Variants in PTPRD observed in about 807,000 individuals in gnomAD.
The protein encoded by PTPRD is protein tyrosine phosphatase receptor type D.
PTPRD carries 34 observed loss-of-function variants against 214.5 expected under a neutral mutation model. That is an observed-to-expected ratio of 0.16 (90% confidence interval 0.12 to 0.21). PTPRD has a LOEUF of 0.21. Among genes scored for constraint, PTPRD ranks in the 10% least tolerant of loss-of-function variants. The probability of loss-of-function intolerance (pLI) is 1.00; values close to 1 mark genes in which losing one functional copy is unlikely to be tolerated. For missense variants in PTPRD, 2,545 were observed against 2,398.7 expected (o/e 1.06, Z -1.27); for synonymous variants, 1,128 against 845.7 (o/e 1.33, Z -5.79).
At chr9:8,770,005 G>T (rs1005412071) in intron 11 of PTPRD, among the ~76,000 whole-genome samples, 14 of 152,188 alleles carry the variant, frequency 9.2e-5, no homozygotes, top group African/African-American at 3.4e-4. Flanking sequence ...TACCGGTCAG[G>T]CACGGTGGCT....
intron 10 of PTPRD, among the ~76,000 whole-genome samples, chr9:9,159,704 T>G (rs2099884702): frequency 6.6e-6 from 1 of 152,040 alleles, no homozygotes; most frequent in Admixed American, 6.6e-5. Context: ...ATAAAAAACC[T>G]CCGAAATCCT....
chr9:9,927,828 T>A (rs2084890696), intron 5 of PTPRD, among the ~76,000 whole-genome samples: 1 of 152,152 alleles, frequency 6.6e-6, no homozygotes. Context: ...AGCCCTAGCT[T>A]ATTTTCATGT....
chr9:8,679,943 T>A (rs923925847), intron 12 of PTPRD, among the ~76,000 whole-genome samples: 1 of 152,238 alleles, frequency 6.6e-6, no homozygotes, highest in Non-Finnish European at 1.5e-5. Context: ...ACTGCATGTC[T>A]ACTAGAGAAA....
intron 8 of PTPRD, among the ~76,000 whole-genome samples, chr9:9,424,938 T>A (rs2080248489): frequency 6.6e-6 from 1 of 152,220 alleles, no homozygotes; most frequent in Non-Finnish European, 1.5e-5. Context: ...AGAATTAGGT[T>A]ATTTTTACCT....
At chr9:9,830,351 G>C (rs1193417668) in intron 5 of PTPRD, among the ~76,000 whole-genome samples, 4 of 151,240 alleles carry the variant, frequency 2.6e-5, no homozygotes, top group African/African-American at 7.3e-5. Flanking sequence ...TAAAATGATT[G>C]TTCAGATCAC....
intron 6 of PTPRD, among the ~76,000 whole-genome samples, chr9:9,750,255 C>T (rs567295713): frequency 6.6e-6 from 1 of 151,790 alleles, no homozygotes; most frequent in South Asian, 2.1e-4. Context: ...TTGAAATGCT[C>T]AAAAATAAAA....
intron 4 of PTPRD, among the ~76,000 whole-genome samples, chr9:9,944,012 A>C (rs1016120899): frequency 6.6e-6 from 1 of 152,118 alleles, no homozygotes; most frequent in South Asian, 2.1e-4. Context: ...AGAGTATCTA[A>C]AAGTTGGAAA....
chr9:10,547,682 A>G (rs1464963172), intron 2 of PTPRD, among the ~76,000 whole-genome samples: 1 of 151,886 alleles, frequency 6.6e-6, no homozygotes, highest in Non-Finnish European at 1.5e-5. Context: ...TAGACATAAC[A>G]AACATATACA....
At chr9:9,832,785 C>T (rs548024030) in intron 5 of PTPRD, among the ~76,000 whole-genome samples, 2 of 151,872 alleles carry the variant, frequency 1.3e-5, no homozygotes, top group Non-Finnish European at 2.9e-5. Context: ...AGGCAACTAG[C>T]CAATGGACCA....
intron 12 of PTPRD, among the ~76,000 whole-genome samples, chr9:8,652,572 A>G (rs2154345946): frequency 6.6e-6 from 1 of 152,340 alleles, no homozygotes; most frequent in Admixed American, 6.5e-5. Flanking sequence ...CTACAACAGA[A>G]TGACACCATT....
At chr9:8,491,111 T>C (rs1262370546) in intron 27 of PTPRD, among the ~76,000 whole-genome samples, 1 of 152,258 alleles carries the variant, frequency 6.6e-6, no homozygotes, top group Non-Finnish European at 1.5e-5. Flanking sequence ...TAAATTTGGA[T>C]TCTTCTGCCT....
At chr9:9,654,163 T>C (rs766892540) in intron 7 of PTPRD, among the ~76,000 whole-genome samples, 3 of 152,154 alleles carry the variant, frequency 2.0e-5, no homozygotes, top group African/African-American at 7.2e-5. Context: ...TTCTTTGCCG[T>C]ATAATGTAAC....
chr9:9,423,010 T>C (rs2079385705), intron 8 of PTPRD, among the ~76,000 whole-genome samples: 1 of 152,132 alleles, frequency 6.6e-6, no homozygotes, highest in Non-Finnish European at 1.5e-5. Context: ...ACACAAAGTT[T>C]GGGGAAACCA....
chr9:8,504,195 G>A (rs1342050486), intron 23 of PTPRD, 66 bp downstream of exon 23: 7 of 1,546,362 alleles, frequency 4.5e-6, no homozygotes, highest in Non-Finnish European at 6.2e-6. Flanking sequence ...ATTGGTGAAG[G>A]TGAAAGCTAG....
At chr9:10,282,803 A>C (rs2095190800) in intron 3 of PTPRD, among the ~76,000 whole-genome samples, 1 of 152,082 alleles carries the variant, frequency 6.6e-6, no homozygotes, top group Non-Finnish European at 1.5e-5. Flanking sequence ...GCTGTAAGAG[A>C]AGTTAAGATC....
rs2093924935 is a variant in PTPRD, at chr9:8,589,370, C to G, written c.352+43947G>C. Among the ~76,000 whole-genome samples, 3 of 152,272 alleles carry G rather than the reference C, an allele frequency of 2.0e-5. No individual in the cohort carries two copies. The South Asian group carries it at 6.2e-4, about 32-fold the overall frequency. ...ACTCTAGATATGGTTCTCGTAAGTC[C>G]TGGAATTCTGGAACTAAATCATAAA... On this transcript the variant is annotated intron_variant, in intron 14 of 45. Coordinates refer to ENST00000381196, the MANE Select transcript of PTPRD (RefSeq NM_002839.4).
intron 5 of PTPRD, among the ~76,000 whole-genome samples, chr9:9,884,240 G>A (rs969773475): frequency 6.6e-6 from 1 of 152,098 alleles, no homozygotes; most frequent in African/African-American, 2.4e-5. Context: ...GTGAAGAATG[G>A]AATGAGGGAT....
intron 14 of PTPRD, among the ~76,000 whole-genome samples, chr9:8,589,650 G>C (rs139122639): frequency 6.6e-6 from 1 of 152,168 alleles, no homozygotes; most frequent in Non-Finnish European, 1.5e-5. Context: ...ATGACAGTGA[G>C]TTCCCAGCAG....
intron 10 of PTPRD, among the ~76,000 whole-genome samples, chr9:9,088,272 A>T (rs2099770302): frequency 1.3e-5 from 2 of 151,246 alleles, no homozygotes; most frequent in South Asian, 4.2e-4. Context: ...GCTGTTAAGG[A>T]AGGGACAATC....
Sources: gnomAD v4.1 joint callset for allele counts (sites outside exome capture counted in the v4.1 genomes callset) on GRCh38, gnomAD v4.1.1 for gene constraint, MANE v1.5 for transcripts, NCBI Gene and HGNC (gene_info 2026-07-23, HGNC 2026-07-21) for gene names.